GABRA4: variants seen among roughly 807,000 people sequenced by gnomAD.
GABRA4 encodes the protein gamma-aminobutyric acid type A receptor subunit alpha4.
Under a neutral mutation model 49.7 loss-of-function variants are expected in GABRA4, and 12 were observed. The ratio of observed to expected loss-of-function variants is 0.24; its 90% CI spans 0.15 to 0.39. GABRA4 has a LOEUF of 0.39. Among genes scored for constraint, GABRA4 ranks in the 10% least tolerant of loss-of-function variants. The pLI is 1.00. For synonymous variants in GABRA4, 288 were observed against 240.2 expected (o/e 1.20, Z -1.84); for missense variants, 506 against 686.0 (o/e 0.74, Z 2.93).
chr4:46,923,974 T>A lies in GABRA4; in HGVS notation c.*4251A>T, dbSNP rs1721124121. On this transcript the variant is annotated 3_prime_UTR_variant, in exon 9 of 9. Coordinates refer to ENST00000264318, the MANE Select transcript of GABRA4 (RefSeq NM_000809.4). ...TCTCTTCTCCTGCCTCAGGTGCTGA[T>A]AAAATTGCGCTTTCATTTTTTTGTT... 6.6e-6 allele frequency: 1 copy of A among 152,110 alleles called. No homozygotes were observed. Among genetic ancestry groups the A allele is most frequent in the Admixed American group, 6.6e-5 (1 of 15,250 alleles). The allele number at this position is 152,110 out of a possible 1,614,324, so 9.4% of individuals were successfully genotyped here. A position where few individuals can be genotyped will look rare whatever the true frequency, so the allele number is the denominator to read the frequency against.
Position 46,928,015 on chromosome 4 carries a change from G to T in GABRA4, c.*210C>A, listed in dbSNP as rs1721289250. On this transcript the variant is annotated 3_prime_UTR_variant, in exon 9 of 9. Transcript: ENST00000264318. ...TGTATTCTATCTAACTGAATGCTGA[G>T]TTCTTTTAAAATAATTTTTCTGAAA... 4.2e-6 allele frequency: 2 copies of T among 471,876 alleles called. No individual in the cohort carries two copies. Among genetic ancestry groups the T allele is most frequent in the Non-Finnish European group, 7.4e-6 (2 of 269,830 alleles). The allele number at this position is 471,876 out of a possible 1,614,324, so 29.2% of individuals were successfully genotyped here.
At chr4:46,970,489 A>G (rs1314316142) in intron 7 of GABRA4, among the ~76,000 whole-genome samples, 1 of 151,518 alleles carries the variant, frequency 6.6e-6, no homozygotes, top group African/African-American at 2.4e-5. Flanking sequence ...TATGCTCTGA[A>G]CTTTATATTG....
chr4:46,962,317 A>T (rs1722606047), intron 8 of GABRA4, among the ~76,000 whole-genome samples: 1 of 151,886 alleles, frequency 6.6e-6, no homozygotes, highest in Non-Finnish European at 1.5e-5. Context: ...GTCAATAGTT[A>T]ACAATCTGAA....
At chr4:46,929,070 G>A (rs1370895414) in intron 8 of GABRA4, among the ~76,000 whole-genome samples, 3 of 151,954 alleles carry the variant, frequency 2.0e-5, no homozygotes, top group African/African-American at 7.2e-5. Flanking sequence ...TGCATTTTAA[G>A]AGTTAATGAA....
At chr4:46,932,327 C>G (rs1287381967) in intron 8 of GABRA4, among the ~76,000 whole-genome samples, 1 of 152,124 alleles carries the variant, frequency 6.6e-6, no homozygotes, top group Non-Finnish European at 1.5e-5. Context: ...AGAAAGGTTA[C>G]AGGTCACTGG....
chr4:46,983,329 C>A (rs572942893), intron 2 of GABRA4, among the ~76,000 whole-genome samples: 1 of 152,060 alleles, frequency 6.6e-6, no homozygotes, highest in Non-Finnish European at 1.5e-5. Context: ...CATGCCTTTA[C>A]TATTATTCTT....
chr4:46,944,665 T>C (rs966061264), intron 8 of GABRA4, among the ~76,000 whole-genome samples: 1 of 152,098 alleles, frequency 6.6e-6, no homozygotes, highest in Non-Finnish European at 1.5e-5. Context: ...TTCATCTTCT[T>C]TACCTCCCTT....
intron 8 of GABRA4, among the ~76,000 whole-genome samples, chr4:46,954,306 C>T (rs1577764938): frequency 6.6e-6 from 1 of 152,154 alleles, no homozygotes; most frequent in Middle Eastern, 3.4e-3. Flanking sequence ...CCTGTAATCC[C>T]AGCACTTTGG....
rs553172425 is a variant in GABRA4 at position 46,920,447 on chromosome 4, G to A, written c.*7778C>T. ...TGAGAAAATATGAAATATGAGACAT[G>A]AGAAATATTAAACGAGTTCAGCAAA... On this transcript the variant is annotated 3_prime_UTR_variant, in exon 9 of 9. Transcript: ENST00000264318. 4 of 151,494 alleles carry A rather than the reference G, an allele frequency of 2.6e-5. No homozygotes were observed. Among genetic ancestry groups the A allele is most frequent in the Admixed American group, 1.3e-4 (2 of 15,202 alleles). The allele number at this position is 151,494 out of a possible 1,614,324, so 9.4% of individuals were successfully genotyped here.
intron 6 of GABRA4, among the ~76,000 whole-genome samples, chr4:46,972,400 A>C (rs1216248888): frequency 3.3e-5 from 5 of 151,594 alleles, no homozygotes; most frequent in Non-Finnish European, 4.4e-5. Flanking sequence ...TCCATAATAA[A>C]TTTCTATTTT....
chr4:46,926,052 A>G lies in GABRA4; in HGVS notation c.*2173T>C, dbSNP rs1317460227. 1.3e-5 allele frequency: 2 copies of G among 148,698 alleles called. No homozygotes were observed. The allele number at this position is 148,698 out of a possible 1,614,324, so 9.2% of individuals were successfully genotyped here. A position where few individuals can be genotyped will look rare whatever the true frequency, so the allele number is the denominator to read the frequency against. ...CTTAAGATAGGCCAATAGATTAGCA[A>G]AGAGTAAGAGTTCCTCACCAAAAAC... is the stretch of plus-strand genomic sequence containing the variant. On this transcript the variant is annotated 3_prime_UTR_variant, in exon 9 of 9. Transcript: ENST00000264318.
At chr4:46,977,713 C>T in intron 3 of GABRA4, 83 bp from the exon 4 acceptor site, 3 of 893,820 alleles carry the variant, frequency 3.4e-6, no homozygotes, top group Non-Finnish European at 5.1e-6. Flanking sequence ...ATTCTGTCTT[C>T]CTTCATGCTC....
intron 8 of GABRA4, among the ~76,000 whole-genome samples, chr4:46,959,421 C>A (rs965904370): frequency 2.0e-5 from 3 of 151,944 alleles, no homozygotes; most frequent in Admixed American, 2.0e-4. Flanking sequence ...ATTTTAAAGT[C>A]TTTCCCAATG....
At chr4:46,948,795 A>C (rs1327914567) in intron 8 of GABRA4, among the ~76,000 whole-genome samples, 1 of 152,062 alleles carries the variant, frequency 6.6e-6, no homozygotes, top group Non-Finnish European at 1.5e-5. Flanking sequence ...CTAAAAATGG[A>C]AGCACTTAGG....
intron 8 of GABRA4, among the ~76,000 whole-genome samples, chr4:46,944,377 A>G (rs780408902): frequency 2.0e-5 from 3 of 152,144 alleles, no homozygotes; most frequent in Non-Finnish European, 4.4e-5. Flanking sequence ...TACTTTGGGA[A>G]GGTCCCAAGC....
chr4:46,951,683 C>T (rs963565151), intron 8 of GABRA4, among the ~76,000 whole-genome samples: 5 of 151,420 alleles, frequency 3.3e-5, no homozygotes, highest in African/African-American at 9.7e-5. Context: ...ATAGCTCTTC[C>T]GTTTTCCTAA....
At chr4:46,943,769 C>G (rs545419784) in intron 8 of GABRA4, among the ~76,000 whole-genome samples, 3 of 152,268 alleles carry the variant, frequency 2.0e-5, no homozygotes, top group African/African-American at 4.8e-5. Context: ...GAGGGACATA[C>G]TGCCTACAGA....
At chr4:46,977,664 C>T in intron 3 of GABRA4, 34 bp from the exon 4 acceptor site, 2 of 1,400,426 alleles carry the variant, frequency 1.4e-6, no homozygotes, top group South Asian at 1.2e-5. Flanking sequence ...ATTTAAGTTG[C>T]AAATGACTAC....
chr4:46,951,631 G>C (rs1266233979), intron 8 of GABRA4, among the ~76,000 whole-genome samples: 1 of 151,932 alleles, frequency 6.6e-6, no homozygotes, highest in African/African-American at 2.4e-5. Context: ...TAGACAAAGA[G>C]AAAGTGCAGA....
Sources: gnomAD v4.1 joint callset for allele counts (sites outside exome capture counted in the v4.1 genomes callset) on GRCh38, gnomAD v4.1.1 for gene constraint, MANE v1.5 for transcripts, NCBI Gene and HGNC (gene_info 2026-07-23, HGNC 2026-07-21) for gene names.